The following RANBP9 variants were observed in gnomAD, a reference collection of about 807,000 sequenced individuals.
The protein encoded by RANBP9 is RAN binding protein 9, also known as ran-binding protein 9.
A neutral mutation model predicts 84.3 loss-of-function variants in RANBP9; 15 were observed. The ratio of observed to expected loss-of-function variants is 0.18; its 90% CI spans 0.12 to 0.27. The LOEUF is 0.27. Among genes scored for constraint, RANBP9 ranks in the 10% least tolerant of loss-of-function variants. The probability of loss-of-function intolerance (pLI) is 1.00; values close to 1 mark genes in which losing one functional copy is unlikely to be tolerated. For synonymous variants in RANBP9, 392 were observed against 349.6 expected, an observed-to-expected ratio of 1.12 and a Z score of -1.35; for missense variants, 809 against 912.8, an observed-to-expected ratio of 0.89 and a Z score of 1.46.
chr6:13,645,293 T>A (rs770490019), intron 5 of RANBP9, among the ~76,000 whole-genome samples: 2 of 150,706 alleles, frequency 1.3e-5, no homozygotes, highest in Non-Finnish European at 3.0e-5. Context: ...CCAGGAAGAG[T>A]GGAGATTCTC....
chr6:13,634,114 TAAG>T (rs374638967), intron 11 of RANBP9, among the ~76,000 whole-genome samples: 305 of 152,316 alleles, frequency 2.0e-3, no homozygotes, highest in African/African-American at 7.0e-3. Flanking sequence ...GACATAAATA[TAAG>T]AAGTTCTATC....
intron 2 of RANBP9, among the ~76,000 whole-genome samples, chr6:13,659,382 C>A (rs1225047451): frequency 6.6e-6 from 1 of 151,890 alleles, no homozygotes; most frequent in Non-Finnish European, 1.5e-5. Flanking sequence ...ATTTTCTATA[C>A]TAGCTTTCTA....
chr6:13,624,738 C>T (rs1178696376), intron 13 of RANBP9, among the ~76,000 whole-genome samples: 2 of 152,110 alleles, frequency 1.3e-5, no homozygotes, highest in Admixed American at 1.3e-4. Context: ...GCACTTGATG[C>T]TCACCCCTGG....
intron 12 of RANBP9, among the ~76,000 whole-genome samples, chr6:13,627,093 G>C (rs1764629620): frequency 6.6e-6 from 1 of 152,100 alleles, no homozygotes; most frequent in Admixed American, 6.5e-5. Flanking sequence ...GAAGTTCTTT[G>C]AAGATAAAAA....
intron 3 of RANBP9, 58 bp downstream of exon 3, chr6:13,658,722 A>G: frequency 1.5e-6 from 2 of 1,357,434 alleles, no homozygotes; most frequent in Non-Finnish European, 2.1e-6. Flanking sequence ...TACTTGAAAA[A>G]TTTAACCAGA....
At position 13,635,871 on chromosome 6, in the gene RANBP9, A is replaced by G. The variant is rs552711575; in HGVS notation, c.1674-1319T>C. Among the ~76,000 whole-genome samples the G allele has an allele frequency of 2.0e-5, 3 of 151,694 alleles. No homozygotes were observed. In the East Asian group the frequency reaches 5.8e-4, roughly 29 times the overall value. On this transcript the variant is annotated intron_variant, in intron 10 of 13. Transcript: ENST00000011619. ...GAAGGAACTCGTTCATTTAACACAC[A>G]TTTAAGAGCCTCTGAGGTATGATCC...
chr6:13,661,098 T>C (rs1417347920), intron 2 of RANBP9, among the ~76,000 whole-genome samples: 2 of 152,216 alleles, frequency 1.3e-5, no homozygotes, highest in Non-Finnish European at 2.9e-5. Context: ...GGAATAGCCT[T>C]CTCCTCTTGA....
intron 2 of RANBP9, among the ~76,000 whole-genome samples, chr6:13,692,532 A>AGTT (rs1766348802): frequency 7.0e-6 from 1 of 142,742 alleles, no homozygotes; most frequent in Admixed American, 6.9e-5. Flanking sequence ...CGTCTCAAAA[A>AGTT]AAAAAAAAAA....
intron 1 of RANBP9, among the ~76,000 whole-genome samples, chr6:13,710,493 C>G (rs571841296): frequency 1.9e-4 from 29 of 152,238 alleles, no homozygotes; most frequent in African/African-American, 6.7e-4. Context: ...AATTAGAAAT[C>G]ATACCTCAGA....
chr6:13,659,096 A>C (rs1466490709), intron 2 of RANBP9, among the ~76,000 whole-genome samples: 1 of 152,166 alleles, frequency 6.6e-6, no homozygotes, highest in Admixed American at 6.5e-5. Context: ...CTCTACTGAC[A>C]CCTATAAAAA....
At chr6:13,688,641 C>T (rs1018681947) in intron 2 of RANBP9, among the ~76,000 whole-genome samples, 6 of 151,890 alleles carry the variant, frequency 4.0e-5, no homozygotes, top group Admixed American at 2.0e-4. Context: ...AACAGGTACT[C>T]GACAAACTAA....
rs201763777 is a variant in RANBP9 at position 13,641,213 on chromosome 6, G to A, written c.1320C>T (p.Leu440=). 2 of 1,564,482 alleles carry A rather than the reference G, an allele frequency of 1.3e-6. No individual in the cohort carries two copies. Among genetic ancestry groups the A allele is most frequent in the Non-Finnish European group, 1.7e-6 (2 of 1,145,874 alleles). The change falls in exon 8 of 14, where the codon CTC becomes CTT. Residue 440 remains leucine (L), a synonymous_variant. Transcript: ENST00000011619. ...TGCAAACTCACTTTAATGTGAAAAG[G>A]AGATTAGGATTTCTTTCAAGTAAAC... ...YPSLLERNPN[L]LFTLKVRQFI... is the part of the protein sequence containing the mutation.
At chr6:13,696,596 AC>A (rs1757837377) in intron 2 of RANBP9, among the ~76,000 whole-genome samples, 188 bp downstream of exon 2, 1 of 152,202 alleles carries the variant, frequency 6.6e-6, no homozygotes, top group African/African-American at 2.4e-5. Flanking sequence ...AGTTAATATC[AC>A]CAACTCAAGC....
intron 1 of RANBP9, among the ~76,000 whole-genome samples, chr6:13,700,758 G>T (rs189023971): frequency 2.3e-3 from 346 of 152,252 alleles, no homozygotes; most frequent in African/African-American, 7.9e-3. Flanking sequence ...AGAGTCTAAA[G>T]CTGCAACAGA....
At chr6:13,679,016 CAG>C (rs780034387) in intron 2 of RANBP9, among the ~76,000 whole-genome samples, 1 of 151,988 alleles carries the variant, frequency 6.6e-6, no homozygotes, top group Non-Finnish European at 1.5e-5. Flanking sequence ...TAACAGAAAA[CAG>C]AAATCCTTTT....
At chr6:13,636,258 A>C (rs1433743779) in intron 10 of RANBP9, among the ~76,000 whole-genome samples, 1 of 152,208 alleles carries the variant, frequency 6.6e-6, no homozygotes, top group Non-Finnish European at 1.5e-5. Flanking sequence ...CCTTAAGAAA[A>C]AAAAGTCATT....
rs527920337 is a variant in RANBP9, at chr6:13,625,866, C to A, written c.1948-102G>T. The stretch of plus-strand genomic sequence containing the variant: ...GTAAAATATGGCTTCCAGGCACAGA[C>A]TAATAATGTAAACTTTAAACCCATT... On this transcript the variant is annotated intron_variant, in intron 12 of 13. Transcript: ENST00000011619. 638 of 783,952 alleles carry A rather than the reference C, an allele frequency of 8.1e-4. 7 individuals are homozygous for A. The South Asian group carries it at 9.2e-3, about 11-fold the overall frequency. 48.6% of individuals were successfully genotyped at this position (783,952 alleles called of 1,614,324 possible).
At chr6:13,623,513 T>C (rs1764516468) in intron 13 of RANBP9, among the ~76,000 whole-genome samples, 2 of 152,004 alleles carry the variant, frequency 1.3e-5, no homozygotes, top group Non-Finnish European at 2.9e-5. Flanking sequence ...AATAAACGTG[T>C]GCAAAAAAGG....
intron 2 of RANBP9, among the ~76,000 whole-genome samples, chr6:13,676,308 CAATT>C (rs910498552): frequency 2.2e-4 from 34 of 151,476 alleles, no homozygotes; most frequent in African/African-American, 7.7e-4. Flanking sequence ...ATAATAGTAA[CAATT>C]AATAACCTTC....
Sources: allele counts gnomAD v4.1 joint callset (sites outside exome capture counted in the v4.1 genomes callset), GRCh38; gene constraint gnomAD v4.1.1; transcripts MANE v1.5; gene names NCBI Gene and HGNC (gene_info 2026-07-23, HGNC 2026-07-21).